Variants in DCC observed in about 807,000 individuals in gnomAD.
The protein encoded by DCC is DCC netrin 1 receptor.
A neutral mutation model predicts 172.5 loss-of-function variants in DCC; 58 were observed. The ratio of observed to expected loss-of-function variants is 0.34; its 90% CI spans 0.27 to 0.42. DCC has a LOEUF of 0.42. Among genes scored for constraint, DCC ranks in the 10% least tolerant of loss-of-function variants. The pLI is 1.00. For missense variants in DCC, 1,740 were observed against 1,791.0 expected (o/e 0.97, Z 0.51); for synonymous variants, 709 against 644.5 (o/e 1.10, Z -1.52).
intron 3 of DCC, among the ~76,000 whole-genome samples, chr18:52,912,559 T>C (rs764705288): frequency 5.1e-4 from 77 of 152,142 alleles, no homozygotes; most frequent in Non-Finnish European, 9.4e-4. Flanking sequence ...TAGTAACTTA[T>C]TGCTACATGA....
intron 1 of DCC, among the ~76,000 whole-genome samples, chr18:52,540,876 G>A (rs1006795213): frequency 2.6e-5 from 4 of 152,098 alleles, no homozygotes; most frequent in Admixed American, 1.3e-4. Context: ...AAAGTGCTGG[G>A]ATTGCAGGCA....
At chr18:53,468,255 T>A (rs890035853) in intron 25 of DCC, among the ~76,000 whole-genome samples, 1 of 151,654 alleles carries the variant, frequency 6.6e-6, no homozygotes, top group Admixed American at 6.6e-5. Context: ...TAAGAAATTG[T>A]TTGTAAAATA....
rs887962304 is a variant in DCC, at chr18:53,441,622, G to A, written c.3229+6413G>A. Among the ~76,000 whole-genome samples the A allele has an allele frequency of 3.9e-5, 6 of 152,102 alleles. No homozygotes were observed. In the East Asian group the frequency reaches 7.7e-4, roughly 20 times the overall value. On this transcript the variant is annotated intron_variant, in intron 22 of 28. Coordinates refer to ENST00000442544, the MANE Select transcript of DCC (RefSeq NM_005215.4). ...ATTCTTTCCTCCCCCATATCCAACC[G>A]GTGTTGTGCTCATTTACTTTCAAAC...
chr18:52,882,607 A>T (rs1057044743), intron 2 of DCC, among the ~76,000 whole-genome samples: 4 of 152,112 alleles, frequency 2.6e-5, no homozygotes, highest in Non-Finnish European at 5.9e-5. Flanking sequence ...TAGTTTGATT[A>T]CACTGGGGTC....
intron 2 of DCC, among the ~76,000 whole-genome samples, chr18:52,781,292 G>T (rs1291366244): frequency 6.6e-6 from 1 of 152,104 alleles, no homozygotes; most frequent in Non-Finnish European, 1.5e-5. Flanking sequence ...TTATCACACA[G>T]AATAGTGCGG....
At chr18:53,432,570 G>A (rs73960125) in intron 21 of DCC, among the ~76,000 whole-genome samples, 4,354 of 152,066 alleles carry the variant, frequency 0.029, 245 homozygotes, top group African/African-American at 0.099. Flanking sequence ...AATTAACCAA[G>A]GTAACTAAAC....
At chr18:52,712,251 G>A (rs2125896) in intron 1 of DCC, among the ~76,000 whole-genome samples, 41,704 of 152,034 alleles carry the variant, frequency 0.27, 6,748 homozygotes, top group African/African-American at 0.43. Flanking sequence ...GAGGCATTGC[G>A]CCCAGCCTCC....
chr18:53,351,696 G>A lies in DCC; in HGVS notation c.2359+11789G>A, dbSNP rs1050773947. On this transcript the variant is annotated intron_variant, in intron 15 of 28. Transcript: ENST00000442544. ...CCAACATTAAATTCAAGCATTCAAA[G>A]AATAAAAATAATTTTCTTCATCATC... 6.0e-5 allele frequency among the ~76,000 whole-genome samples: 9 copies of A among 150,828 alleles called. No homozygotes were observed. In the South Asian group the frequency reaches 1.9e-3, roughly 31 times the overall value.
intron 2 of DCC, among the ~76,000 whole-genome samples, chr18:52,869,847 G>A (rs1468635346): frequency 8.5e-5 from 13 of 152,300 alleles, no homozygotes; most frequent in Non-Finnish European, 2.9e-5. Flanking sequence ...GAGGCCAGAC[G>A]GAGAGAACAG....
intron 5 of DCC, among the ~76,000 whole-genome samples, chr18:52,954,087 T>G (rs749085263): frequency 3.9e-5 from 6 of 152,246 alleles, no homozygotes; most frequent in Non-Finnish European, 7.3e-5. Flanking sequence ...TCCATTTATA[T>G]GTACCTGTGT....
chr18:52,645,260 A>G (rs917899218), intron 1 of DCC, among the ~76,000 whole-genome samples: 3 of 152,200 alleles, frequency 2.0e-5, no homozygotes, highest in Non-Finnish European at 4.4e-5. Flanking sequence ...GAAAATGCAA[A>G]TGGCTTAGAT....
At chr18:52,360,483 A>G (rs1341267209) in intron 1 of DCC, among the ~76,000 whole-genome samples, 1 of 152,240 alleles carries the variant, frequency 6.6e-6, no homozygotes. Context: ...AAATTAGGCC[A>G]ACAAAGTGCT....
chr18:52,581,723 T>C (rs953176024), intron 1 of DCC, among the ~76,000 whole-genome samples: 1 of 152,182 alleles, frequency 6.6e-6, no homozygotes. Context: ...GTCAGAGACA[T>C]GCTGGTGACT....
intron 5 of DCC, among the ~76,000 whole-genome samples, chr18:52,925,751 T>C (rs995895805): frequency 6.6e-6 from 1 of 151,940 alleles, no homozygotes; most frequent in Admixed American, 6.6e-5. Flanking sequence ...TTATTTGAGA[T>C]GACAGGGTTT....
At chr18:52,817,849 CAT>C (rs1306683950) in intron 2 of DCC, among the ~76,000 whole-genome samples, 1 of 151,814 alleles carries the variant, frequency 6.6e-6, no homozygotes, top group Non-Finnish European at 1.5e-5. Flanking sequence ...TAAATATACA[CAT>C]ATAATGAAAT....
At chr18:52,748,013 G>A (rs967447867) in intron 1 of DCC, among the ~76,000 whole-genome samples, 4 of 152,210 alleles carry the variant, frequency 2.6e-5, no homozygotes, top group African/African-American at 9.6e-5. Context: ...TGCCCACTCA[G>A]TCTGACAGGC....
intron 12 of DCC, among the ~76,000 whole-genome samples, chr18:53,298,513 G>C (rs541318231): frequency 3.8e-4 from 38 of 100,368 alleles, no homozygotes; most frequent in Admixed American, 1.2e-3. Context: ...GGATGACACA[G>C]AGAGACCCTG....
At chr18:52,373,592 G>A (rs1385958263) in intron 1 of DCC, among the ~76,000 whole-genome samples, 1 of 152,220 alleles carries the variant, frequency 6.6e-6, no homozygotes, top group Non-Finnish European at 1.5e-5. Flanking sequence ...GGGTGGGTGG[G>A]CATTCTCTTT....
In DCC at chr18:53,074,638, G is replaced by A. The variant is rs1010141534; in HGVS notation, c.1261+8472G>A. 4.6e-5 allele frequency among the ~76,000 whole-genome samples: 7 copies of A among 151,934 alleles called. No homozygotes were observed. The South Asian group carries it at 1.5e-3, about 32-fold the overall frequency. Reference sequence around the variant, plus strand: ...ATTTTTTTTTATTTTCTACTTCAAAGTCTCCCTCCCGTTAGAGAAATGTTG... The same window carrying A: ...ATTTTTTTTTATTTTCTACTTCAAAATCTCCCTCCCGTTAGAGAAATGTTG... On this transcript the variant is annotated intron_variant, in intron 7 of 28. Coordinates refer to ENST00000442544, the MANE Select transcript of DCC (RefSeq NM_005215.4).
Sources: gnomAD v4.1 joint callset for allele counts (sites outside exome capture counted in the v4.1 genomes callset) on GRCh38, gnomAD v4.1.1 for gene constraint, MANE v1.5 for transcripts, NCBI Gene and HGNC (gene_info 2026-07-23, HGNC 2026-07-21) for gene names.